The following DIAPH2 variants were observed in gnomAD, a reference collection of about 807,000 sequenced individuals.
DIAPH2 encodes the protein diaphanous related formin 2.
DIAPH2 carries 35 observed loss-of-function variants against 92.7 expected under a neutral mutation model. The observed-to-expected ratio is 0.38, with a 90% CI of 0.29 to 0.50. DIAPH2 has a LOEUF of 0.50. DIAPH2 is among the 20% of genes least tolerant of loss of function. The probability of loss-of-function intolerance (pLI) is 0.94; values close to 1 mark genes in which losing one functional copy is unlikely to be tolerated. For missense variants in DIAPH2, 701 were observed against 819.5 expected (o/e 0.86, Z 1.77); for synonymous variants, 301 against 280.4 (o/e 1.07, Z -0.73).
chrX:97,432,619 TGG>T (rs1370387268), intron 26 of DIAPH2, among the ~76,000 whole-genome samples: 4 of 111,841 alleles, frequency 3.6e-5, no homozygotes, highest in Non-Finnish European at 5.6e-5. Flanking sequence ...CCCGAGTATC[TGG>T]GACTACAGGT....
rs144147281 is a variant in DIAPH2, at chrX:97,595,578, C to T, written c.3242-3675C>T. On this transcript the variant is annotated intron_variant, in intron 26 of 26. Transcript: ENST00000324765. ...ATTTTCTTTTCTTTCTTTCTTTTTC[C>T]TCTCTTTCTTTCTTTCTTTCTCTTT... 7.7e-4 allele frequency among the ~76,000 whole-genome samples: 82 copies of T among 106,107 alleles called. No individual in the cohort carries two copies. In the East Asian group the frequency reaches 0.021, roughly 27 times the overall value. 92.1% of individuals were successfully genotyped at this position (106,107 alleles called of 115,157 possible).
chrX:97,053,861 G>A (rs180703447), intron 17 of DIAPH2, among the ~76,000 whole-genome samples: 1 of 111,942 alleles, frequency 8.9e-6, no homozygotes, highest in Non-Finnish European at 1.9e-5. Flanking sequence ...TGATTTTTCA[G>A]TTCAGGACTA....
chrX:96,939,619 T>TACACACACAC (rs763279889), intron 12 of DIAPH2, among the ~76,000 whole-genome samples: 2 of 57,622 alleles, frequency 3.5e-5, no homozygotes, highest in Admixed American at 1.9e-4. Flanking sequence ...CACACACATA[T>TACACACACAC]ACACACACAC....
At chrX:96,796,959 TTAAG>T (rs1475281124) in intron 4 of DIAPH2, among the ~76,000 whole-genome samples, 3 of 112,064 alleles carry the variant, frequency 2.7e-5, no homozygotes, top group Non-Finnish European at 3.8e-5. Context: ...AGAATTTTCT[TTAAG>T]TATTTCTTAT....
chrX:96,712,763 T>G (rs975107621), intron 1 of DIAPH2, among the ~76,000 whole-genome samples: 5 of 111,748 alleles, frequency 4.5e-5, no homozygotes, highest in Non-Finnish European at 9.4e-5. Context: ...GATTTGTTTG[T>G]TGCAAATTTT....
At chrX:97,199,398 G>A (rs1242577975) in intron 22 of DIAPH2, among the ~76,000 whole-genome samples, 1 of 111,262 alleles carries the variant, frequency 9.0e-6, no homozygotes, top group Non-Finnish European at 1.9e-5. Context: ...ATATGTATAT[G>A]TGTGTATCTG....
At chrX:97,091,117 C>T (rs929028961) in intron 19 of DIAPH2, among the ~76,000 whole-genome samples, 14 of 110,795 alleles carry the variant, frequency 1.3e-4, no homozygotes, top group African/African-American at 4.3e-4. Context: ...AGCGATTCTC[C>T]TATCTCAGCA....
At chrX:96,927,110 G>A (rs1276288749) in intron 9 of DIAPH2, among the ~76,000 whole-genome samples, 1 of 111,298 alleles carries the variant, frequency 9.0e-6, no homozygotes, top group Non-Finnish European at 1.9e-5. Flanking sequence ...AAGGTCAAGA[G>A]AGCTGAGTTC....
At chrX:97,128,365 C>T (rs1192626538) in intron 21 of DIAPH2, among the ~76,000 whole-genome samples, 1 of 111,019 alleles carries the variant, frequency 9.0e-6, no homozygotes, top group East Asian at 2.9e-4. Flanking sequence ...TGGGTTTTGG[C>T]CGGCTCCTTT....
chrX:96,716,296 A>G (rs2063949903), intron 1 of DIAPH2, among the ~76,000 whole-genome samples: 1 of 111,612 alleles, frequency 9.0e-6, no homozygotes, highest in Non-Finnish European at 1.9e-5. Flanking sequence ...TGAGTCTAGG[A>G]TATACTTGAG....
At chrX:96,829,756 A>G (rs2064839224) in intron 4 of DIAPH2, among the ~76,000 whole-genome samples, 1 of 111,424 alleles carries the variant, frequency 9.0e-6, no homozygotes, top group African/African-American at 3.3e-5. Flanking sequence ...TGGCCTCTCA[A>G]ATTGCTGGGA....
At chrX:96,983,839 T>G (rs1409180415) in intron 17 of DIAPH2, among the ~76,000 whole-genome samples, 1 of 111,901 alleles carries the variant, frequency 8.9e-6, no homozygotes, top group African/African-American at 3.2e-5. Context: ...TCCAATTTAA[T>G]AACGTTTTTG....
chrX:96,874,970 T>C (rs2065168934), intron 4 of DIAPH2, among the ~76,000 whole-genome samples: 1 of 111,930 alleles, frequency 8.9e-6, no homozygotes, highest in African/African-American at 3.2e-5. Context: ...CCAAAACTTC[T>C]TGAGAACCAA....
At chrX:97,063,172 A>C (rs1319711379) in intron 17 of DIAPH2, among the ~76,000 whole-genome samples, 8 of 111,948 alleles carry the variant, frequency 7.1e-5, no homozygotes, top group African/African-American at 2.6e-4. Context: ...ATTACTGCTG[A>C]AAGATAAAAT....
intron 19 of DIAPH2, among the ~76,000 whole-genome samples, chrX:97,082,905 G>T (rs976404421): frequency 9.0e-6 from 1 of 111,430 alleles, no homozygotes; most frequent in African/African-American, 3.3e-5. Context: ...CCCCCAGCTA[G>T]CTCCCTATTC....
chrX:96,908,045 T>C (rs2147776643), intron 5 of DIAPH2, among the ~76,000 whole-genome samples: 1 of 111,976 alleles, frequency 8.9e-6, no homozygotes, highest in African/African-American at 3.2e-5. Flanking sequence ...TTTATAATTA[T>C]ATTCTGGCAA....
At chrX:97,120,611 T>TG (rs2067049803) in intron 21 of DIAPH2, among the ~76,000 whole-genome samples, 4 of 100,207 alleles carry the variant, frequency 4.0e-5, no homozygotes, top group African/African-American at 1.6e-4. Flanking sequence ...GAGTTTTTTG[T>TG]GGGTTTTTTT....
At chrX:97,077,014 T>C (rs2066709602) in intron 19 of DIAPH2, among the ~76,000 whole-genome samples, 1 of 111,913 alleles carries the variant, frequency 8.9e-6, no homozygotes, top group South Asian at 3.7e-4. Flanking sequence ...ACCCATTTTC[T>C]TAGTTTTGCT....
At chrX:97,474,602 T>G (rs1397999898) in intron 26 of DIAPH2, among the ~76,000 whole-genome samples, 1 of 110,160 alleles carries the variant, frequency 9.1e-6, no homozygotes, top group African/African-American at 3.3e-5. Context: ...CTGTCTCTAC[T>G]AAAAATACAA....
Sources: gnomAD v4.1 joint callset for allele counts (sites outside exome capture counted in the v4.1 genomes callset) on GRCh38, gnomAD v4.1.1 for gene constraint, MANE v1.5 for transcripts, NCBI Gene and HGNC (gene_info 2026-07-23, HGNC 2026-07-21) for gene names.